Variants in JAKMIP1 observed in about 807,000 individuals in gnomAD.
JAKMIP1 encodes the protein janus kinase and microtubule-interacting protein 1.
JAKMIP1 carries 33 observed loss-of-function variants against 113.0 expected under a neutral mutation model. The observed-to-expected ratio is 0.29, with a 90% CI of 0.22 to 0.39. The LOEUF (loss-of-function observed/expected upper bound fraction) is 0.39, where lower values mean the gene tolerates loss of function less well. JAKMIP1 is among the 10% of genes least tolerant of loss of function. The pLI, the probability that JAKMIP1 is intolerant of heterozygous loss-of-function variation, is 1.00. For missense variants in JAKMIP1, 813 were observed against 1,080.5 expected, an observed-to-expected ratio of 0.75 and a Z score of 3.47; for synonymous variants, 480 against 459.9, an observed-to-expected ratio of 1.04 and a Z score of -0.56.
intron 1 of JAKMIP1, among the ~76,000 whole-genome samples, chr4:6,169,506 A>G (rs1484201190): frequency 6.6e-6 from 1 of 151,978 alleles, no homozygotes; most frequent in African/African-American, 2.4e-5. Context: ...CCCTGCCCAC[A>G]CCTTCATCTC....
At position 6,108,261 on chromosome 4, in the gene JAKMIP1, T is replaced by C. The variant is rs1714298959; in HGVS notation, c.130-2294A>G. ...AGAGTGAGGCTGGGGTGACCTCTGA[T>C]GGGCACAGAGCACTCCCTCCCACCA... On this transcript the variant is annotated intron_variant, in intron 2 of 20. Transcript: ENST00000409021. The surrounding 1 kb of genome is among the most constrained non-coding windows in gnomAD (Gnocchi z 5.6). Among the ~76,000 whole-genome samples the C allele has an allele frequency of 6.6e-6, 1 of 151,984 alleles. No individual in the cohort carries two copies. Among genetic ancestry groups the C allele is most frequent in the South Asian group, 2.1e-4 (1 of 4,808 alleles).
rs1173741018 is a variant in JAKMIP1 at position 6,153,747 on chromosome 4, C to T, written c.-147-40750G>A. Among the ~76,000 whole-genome samples the T allele has an allele frequency of 1.3e-5, 2 of 152,156 alleles. No individual in the cohort carries two copies. Among genetic ancestry groups the T allele is most frequent in the African/African-American group, 4.8e-5 (2 of 41,428 alleles). On this transcript the variant is annotated intron_variant, in intron 1 of 20. Transcript: ENST00000409021. This position sits in a 1 kb window ranked among gnomAD's most constrained non-coding sequence, Gnocchi z 4.9. The stretch of plus-strand genomic sequence containing the variant: ...AGCCTTATTCTAAGCAAAAATATCC[C>T]CCAAATCATAGGCTTCAGGTGCTAT...
intron 5 of JAKMIP1, among the ~76,000 whole-genome samples, chr4:6,082,171 A>G (rs1720668545): frequency 6.6e-6 from 1 of 152,110 alleles, no homozygotes; most frequent in African/African-American, 2.4e-5. Context: ...GCCCAACTTC[A>G]CAAAGAAAGT....
intron 12 of JAKMIP1, chr4:6,054,854 T>A (rs1034602619): frequency 8.8e-6 from 4 of 456,560 alleles, no homozygotes; most frequent in Non-Finnish European, 1.8e-5. Flanking sequence ...CATAGCACCA[T>A]TACAGAAGGC....
chr4:6,177,250 T>G (rs547584113), intron 1 of JAKMIP1, among the ~76,000 whole-genome samples: 1 of 152,258 alleles, frequency 6.6e-6, no homozygotes, highest in South Asian at 2.1e-4. Flanking sequence ...GAGAGGACTT[T>G]AAGAAAGGCC....
rs375607127 is a variant in JAKMIP1 at position 6,044,145 on chromosome 4, T to C, written c.2029-1918A>G. Among the ~76,000 whole-genome samples the C allele has an allele frequency of 2.6e-5, 4 of 151,774 alleles. No homozygotes were observed. Among genetic ancestry groups the C allele is most frequent in the African/African-American group, 9.7e-5 (4 of 41,182 alleles). On this transcript the variant is annotated intron_variant, in intron 16 of 20. Coordinates refer to ENST00000409021, the MANE Select transcript of JAKMIP1 (RefSeq NM_001099433.2). This position sits in a 1 kb window ranked among gnomAD's most constrained non-coding sequence, Gnocchi z 4.4. The stretch of plus-strand genomic sequence containing the variant: ...GGTCAGCTAACCTCCATGGTGCCCA[T>C]GTCAGTCATCTTGTGAATGCCGGGT...
In JAKMIP1 at chr4:6,137,177, T is replaced by C. The variant is rs1222512545; in HGVS notation, c.-147-24180A>G. Among the ~76,000 whole-genome samples, 2 of 152,132 alleles carry C rather than the reference T, an allele frequency of 1.3e-5. No individual in the cohort carries two copies. The highest frequency in any genetic ancestry group is 6.5e-5 in the Admixed American group (1 of 15,274). On this transcript the variant is annotated intron_variant, in intron 1 of 20. Coordinates refer to ENST00000409021, the MANE Select transcript of JAKMIP1 (RefSeq NM_001099433.2). This position sits in a 1 kb window ranked among gnomAD's most constrained non-coding sequence, Gnocchi z 4.5. ...CCCTTGCCTTGCAGAGCCTCCCCCA[T>C]AGGGCTTGGAATCGAGCCACATGCA...
chr4:6,063,091 G>A (rs537725378), intron 9 of JAKMIP1, among the ~76,000 whole-genome samples: 13 of 152,022 alleles, frequency 8.6e-5, no homozygotes, highest in African/African-American at 2.2e-4. Context: ...GCAGTAAGCC[G>A]AGATCATGCC....
chr4:6,109,429 C>G (rs1024482647), intron 2 of JAKMIP1, among the ~76,000 whole-genome samples: 4 of 151,944 alleles, frequency 2.6e-5, no homozygotes, highest in Admixed American at 6.6e-5. Flanking sequence ...CACTGCGGAG[C>G]CTGGGGCATC....
intron 1 of JAKMIP1, among the ~76,000 whole-genome samples, chr4:6,177,712 TA>T (rs916970558): frequency 6.6e-6 from 1 of 152,138 alleles, no homozygotes; most frequent in Admixed American, 6.5e-5. Context: ...GCCATACTAA[TA>T]ATGGCTGCAT....
At chr4:6,028,179 C>A (rs981368710) in intron 20 of JAKMIP1, among the ~76,000 whole-genome samples, 1 of 152,236 alleles carries the variant, frequency 6.6e-6, no homozygotes, top group Non-Finnish European at 1.5e-5. Flanking sequence ...CATCTATCTG[C>A]GAAACCAGCT....
In JAKMIP1 at chr4:6,114,890, C is replaced by T. The variant is rs114285732; in HGVS notation, c.-147-1893G>A. Among the ~76,000 whole-genome samples, 840 of 152,286 alleles carry T rather than the reference C, an allele frequency of 5.5e-3. 7 individuals carry two copies. Among genetic ancestry groups the T allele is most frequent in the African/African-American group, 0.019 (789 of 41,566 alleles). On this transcript the variant is annotated intron_variant, in intron 1 of 20. Transcript: ENST00000409021. ...GGGCAGGAAGACACAGAAAATACAA[C>T]ACCAAAAAAGGAAGCTTGCTCCTTT...
Position 6,162,321 on chromosome 4 carries a change from C to T in JAKMIP1, c.-148+37932G>A, listed in dbSNP as rs946740562. On this transcript the variant is annotated intron_variant, in intron 1 of 20. Coordinates refer to ENST00000409021, the MANE Select transcript of JAKMIP1 (RefSeq NM_001099433.2). This position sits in a 1 kb window ranked among gnomAD's most constrained non-coding sequence, Gnocchi z 5.6. ...ACTCACCAGGACACTGCACTGCAGC[C>T]GAGCTTGCATCTGTGCAGCTAAGGC... Among the ~76,000 whole-genome samples the T allele has an allele frequency of 3.3e-5, 5 of 152,162 alleles. No individual in the cohort carries two copies. Among genetic ancestry groups the T allele is most frequent in the Admixed American group, 6.5e-5 (1 of 15,282 alleles).
Position 6,117,857 on chromosome 4 carries a change from C to A in JAKMIP1, c.-147-4860G>T, listed in dbSNP as rs1716062433. 3.3e-5 allele frequency among the ~76,000 whole-genome samples: 5 copies of A among 152,330 alleles called. No homozygotes were observed. In the South Asian group the frequency reaches 1.0e-3, roughly 32 times the overall value. The stretch of plus-strand genomic sequence containing the variant: ...AGAAGAGAAATACGGCTCTGTTCTG[C>A]CTGGCTCACCAGCGGTCAGAGTTTA... On this transcript the variant is annotated intron_variant, in intron 1 of 20. Transcript: ENST00000409021.
intron 1 of JAKMIP1, among the ~76,000 whole-genome samples, chr4:6,160,765 C>T (rs1394963004): frequency 6.6e-6 from 1 of 152,170 alleles, no homozygotes; most frequent in African/African-American, 2.4e-5. Context: ...TCTGCACTGC[C>T]TCTTCGCTTT....
intron 1 of JAKMIP1, among the ~76,000 whole-genome samples, chr4:6,175,852 T>G (rs1196185431): frequency 6.6e-6 from 1 of 152,246 alleles, no homozygotes; most frequent in African/African-American, 2.4e-5. Flanking sequence ...GTAAATTTAC[T>G]CAACAATCAT....
intron 19 of JAKMIP1, among the ~76,000 whole-genome samples, chr4:6,030,084 A>G (rs1712402318): frequency 6.6e-6 from 1 of 152,226 alleles, no homozygotes; most frequent in Non-Finnish European, 1.5e-5. Flanking sequence ...AAATAGAATT[A>G]CACAGTACAC....
rs111859543 is a variant in JAKMIP1 at position 6,106,539 on chromosome 4, C to CCT, written c.130-574_130-573dup. ...GTGCTCCCTCTCTTTCTCCCTCTCT[C>CCT]CTCTCTCTCTCTCTCTCTTCCTCTC... On this transcript the variant is annotated intron_variant, in intron 2 of 20. Transcript: ENST00000409021. This position sits in a 1 kb window ranked among gnomAD's most constrained non-coding sequence, Gnocchi z 5.9. Among the ~76,000 whole-genome samples, 33,735 of 149,738 alleles carry CCT rather than the reference C, an allele frequency of 0.23. 4,194 individuals are homozygous for CCT. The highest frequency in any genetic ancestry group is 0.32 in the African/African-American group (13,118 of 40,832).
intron 16 of JAKMIP1, among the ~76,000 whole-genome samples, chr4:6,047,191 A>C (rs1305275047): frequency 6.6e-6 from 1 of 152,216 alleles, no homozygotes; most frequent in Non-Finnish European, 1.5e-5. Flanking sequence ...GCCAAGACGC[A>C]AGCCAGGAGA....
Sources: gnomAD v4.1 joint callset for allele counts (sites outside exome capture counted in the v4.1 genomes callset) on GRCh38, gnomAD v4.1.1 for gene constraint, Gnocchi (gnomAD v3.1) non-coding constraint, MANE v1.5 for transcripts, NCBI Gene and HGNC (gene_info 2026-07-23, HGNC 2026-07-21) for gene names.